The following NPTN variants were observed in gnomAD, a reference collection of about 807,000 sequenced individuals.
NPTN encodes neuroplastin.
In NPTN, 5 loss-of-function variants were observed where a neutral mutation model predicts 42.7. The observed-to-expected ratio is 0.12, with a 90% CI of 0.06 to 0.25. The LOEUF (loss-of-function observed/expected upper bound fraction) is 0.25, where lower values mean the gene tolerates loss of function less well. Among genes scored for constraint, NPTN ranks in the 10% least tolerant of loss-of-function variants. The probability of loss-of-function intolerance (pLI) is 1.00; values close to 1 mark genes in which losing one functional copy is unlikely to be tolerated. For missense variants in NPTN, 307 were observed against 525.4 expected (o/e 0.58, Z 4.06); for synonymous variants, 180 against 201.9 (o/e 0.89, Z 0.92).
chr15:73,581,836 C>CTTTTTTTTTTTTTTTTTTT, intron 4 of NPTN, among the ~76,000 whole-genome samples: 1 of 147,818 alleles, frequency 6.8e-6, no homozygotes, highest in African/African-American at 2.5e-5. Context: ...ATATGGTGCT[C>CTTTTTTTTTTTTTTTTTTT]TTTTTTTTTT....
chr15:73,597,403 GC>G lies in NPTN; in HGVS notation c.92-35del, dbSNP rs1595935517. The G allele has an allele frequency of 4.8e-6, 7 of 1,455,998 alleles. No homozygotes were observed. In the Admixed American group the frequency reaches 8.4e-5, roughly 18 times the overall value. 90.2% of individuals were successfully genotyped at this position (1,455,998 alleles called of 1,614,324 possible). A position where few individuals can be genotyped will look rare whatever the true frequency, so the allele number is the denominator to read the frequency against. On this transcript the variant is annotated intron_variant, in intron 1 of 8. Transcript: ENST00000345330. This position sits in a 1 kb window ranked among gnomAD's most constrained non-coding sequence, Gnocchi z 6.3. ...AGGGGGAGCAGGAATGCAGTGACAGGCCAATCAGAAAAAAAAAAAAGAATCA... is the reference window on the plus strand; with the variant it reads ...AGGGGGAGCAGGAATGCAGTGACAGGCAATCAGAAAAAAAAAAAAGAATCA...
intron 2 of NPTN, among the ~76,000 whole-genome samples, chr15:73,593,034 C>G (rs771246221): frequency 2.0e-5 from 3 of 152,146 alleles, no homozygotes; most frequent in Non-Finnish European, 2.9e-5. Flanking sequence ...CCCCCATCCC[C>G]AAGACCACCC....
At chr15:73,622,559 A>G (rs535657010) in intron 1 of NPTN, among the ~76,000 whole-genome samples, 1 of 152,052 alleles carries the variant, frequency 6.6e-6, no homozygotes, top group Admixed American at 6.5e-5. Context: ...AACAGCTTTA[A>G]TTTCAGAGAA....
At chr15:73,566,641 C>A (rs1895025783) in intron 6 of NPTN, among the ~76,000 whole-genome samples, 1 of 152,200 alleles carries the variant, frequency 6.6e-6, no homozygotes, top group Admixed American at 6.5e-5. Context: ...GGAGTGCAGT[C>A]CGCAGGACAC....
At chr15:73,593,293 C>T (rs1896683279) in intron 2 of NPTN, among the ~76,000 whole-genome samples, 1 of 152,246 alleles carries the variant, frequency 6.6e-6, no homozygotes, top group Middle Eastern at 3.4e-3. Flanking sequence ...TGTTAATGTG[C>T]TTTGTCTTTA....
At chr15:73,601,479 T>TCAG (rs879581984) in intron 1 of NPTN, among the ~76,000 whole-genome samples, 10 of 152,168 alleles carry the variant, frequency 6.6e-5, no homozygotes, top group Admixed American at 2.6e-4. Flanking sequence ...GAACTGGCTC[T>TCAG]CAGCAGCAGC....
At position 73,563,216 on chromosome 15, in the gene NPTN, A is replaced by C. The variant is rs1894787599; in HGVS notation, c.1136+20T>G. The C allele has an allele frequency of 6.8e-7, 1 of 1,480,396 alleles. No individual in the cohort carries two copies. 91.7% of individuals were successfully genotyped at this position (1,480,396 alleles called of 1,614,324 possible). On this transcript the variant is annotated intron_variant, in intron 7 of 8. Transcript: ENST00000345330. The stretch of plus-strand genomic sequence containing the variant: ...CATTCAATCAGATACTGTTGAATCA[A>C]TGTCCAATAAAGTACTTACATTGGT...
At chr15:73,582,252 T>C (rs2141380843) in intron 4 of NPTN, among the ~76,000 whole-genome samples, 1 of 152,362 alleles carries the variant, frequency 6.6e-6, no homozygotes. Flanking sequence ...ACAGAGATTC[T>C]GCATTTACGG....
intron 1 of NPTN, among the ~76,000 whole-genome samples, chr15:73,601,936 G>A (rs901178362): frequency 6.6e-6 from 1 of 152,146 alleles, no homozygotes; most frequent in Non-Finnish European, 1.5e-5. Context: ...ACTGGGGATG[G>A]GGGATGGGAG....
chr15:73,592,181 C>T, intron 2 of NPTN, 44 bp from the exon 3 acceptor site: 2 of 1,548,190 alleles, frequency 1.3e-6, no homozygotes, highest in Non-Finnish European at 1.8e-6. Context: ...AGCCTTCCAT[C>T]CTCTGTAGCC....
chr15:73,614,180 C>T (rs1184156217), intron 1 of NPTN, among the ~76,000 whole-genome samples: 2 of 150,254 alleles, frequency 1.3e-5, no homozygotes, highest in Non-Finnish European at 1.5e-5. Flanking sequence ...AAAAGCTGGG[C>T]ATGGTGGTCC....
At chr15:73,615,871 A>G (rs8039862) in intron 1 of NPTN, among the ~76,000 whole-genome samples, 17,308 of 151,952 alleles carry the variant, frequency 0.11, 1,317 homozygotes, top group African/African-American at 0.22. Flanking sequence ...CACCAAGAAG[A>G]GATGAAAATA....
At chr15:73,628,035 A>G (rs984126300) in intron 1 of NPTN, among the ~76,000 whole-genome samples, 11 of 152,200 alleles carry the variant, frequency 7.2e-5, no homozygotes, top group Admixed American at 1.3e-4. Context: ...TTTCACAAAC[A>G]AGCTTACAAA....
chr15:73,602,186 G>C (rs1897110881), intron 1 of NPTN, among the ~76,000 whole-genome samples: 1 of 151,840 alleles, frequency 6.6e-6, no homozygotes, highest in Admixed American at 6.6e-5. Flanking sequence ...GCAACCCACA[G>C]AACAAGAAAT....
Position 73,569,756 on chromosome 15 carries a change from T to A in NPTN, c.1114+394A>T. 1 of 985,174 alleles carries A rather than the reference T, an allele frequency of 1.0e-6. No homozygotes were observed. The highest frequency in any genetic ancestry group is 1.2e-6 in the Non-Finnish European group (1 of 829,878). 61.0% of individuals were successfully genotyped at this position (985,174 alleles called of 1,614,324 possible). The stretch of plus-strand genomic sequence containing the variant: ...GGCCAGGTGGCCTGCCATCTTGGGG[T>A]GGCTTCTAGGCTTGACTTGGATTCT... On this transcript the variant is annotated intron_variant, in intron 6 of 8. Transcript: ENST00000345330. This position sits in a 1 kb window ranked among gnomAD's most constrained non-coding sequence, Gnocchi z 4.1.
At chr15:73,592,636 G>A (rs1156615828) in intron 2 of NPTN, among the ~76,000 whole-genome samples, 1 of 152,088 alleles carries the variant, frequency 6.6e-6, no homozygotes, top group Non-Finnish European at 1.5e-5. Context: ...GCAAACCATA[G>A]GCCATTATTT....
chr15:73,563,524 C>T (rs571745744), intron 6 of NPTN: 24 of 1,281,566 alleles, frequency 1.9e-5, no homozygotes, highest in Middle Eastern at 3.1e-4. Flanking sequence ...GCAACTGTAG[C>T]GGACAGATAG....
At chr15:73,612,709 G>C (rs943611382) in intron 1 of NPTN, among the ~76,000 whole-genome samples, 1 of 152,138 alleles carries the variant, frequency 6.6e-6, no homozygotes, top group African/African-American at 2.4e-5. Flanking sequence ...GGCGGAGCTT[G>C]CAGTGAGCAG....
chr15:73,567,152 T>C (rs1566957338), intron 6 of NPTN: 3 of 984,870 alleles, frequency 3.0e-6, no homozygotes, highest in East Asian at 1.1e-4. Context: ...TTTTGTATTG[T>C]TCACTTAGTG....
Sources: gnomAD v4.1 joint callset for allele counts (sites outside exome capture counted in the v4.1 genomes callset) on GRCh38, gnomAD v4.1.1 for gene constraint, Gnocchi (gnomAD v3.1) non-coding constraint, MANE v1.5 for transcripts, NCBI Gene and HGNC (gene_info 2026-07-23, HGNC 2026-07-21) for gene names.